Variants in MAD2L2 observed in about 807,000 individuals in gnomAD.
The protein encoded by MAD2L2 is mitotic arrest deficient 2 like 2, also known as mitotic spindle assembly checkpoint protein MAD2B.
Under a neutral mutation model 30.5 loss-of-function variants are expected in MAD2L2, and 17 were observed. The observed-to-expected ratio is 0.56, with a 90% confidence interval of 0.38 to 0.84. The LOEUF is 0.84. Among genes scored for constraint, MAD2L2 ranks in the 40% least tolerant of loss-of-function variants. The probability of loss-of-function intolerance (pLI) is 0.00; values close to 1 mark genes in which losing one functional copy is unlikely to be tolerated. For missense variants in MAD2L2, 213 were observed against 277.4 expected, an observed-to-expected ratio of 0.77 and a Z score of 1.65; for synonymous variants, 101 against 113.9, an observed-to-expected ratio of 0.89 and a Z score of 0.72.
rs1423704128 is a variant in MAD2L2, at chr1:11,676,862, T to C, written c.318A>G (p.Pro106=). Residue 106 remains proline, a synonymous_variant, in exon 5 of 9, where the codon CCA becomes CCG. Transcript: ENST00000376692. Reference sequence around the variant, plus strand: ...GGGCAGCCCACCTGATGGACAGCAGTGGAGGCTGGGTGATCTCAAAGACGA... The same window carrying C: ...GGGCAGCCCACCTGATGGACAGCAGCGGAGGCTGGGTGATCTCAAAGACGA... ...EKFVFEITQP[P]LLSISSDSLL... is the part of the protein sequence containing the mutation. 6.2e-7 allele frequency: 1 copy of C among 1,614,022 alleles called. No homozygotes were observed. The highest frequency in any genetic ancestry group is 8.5e-7 in the Non-Finnish European group (1 of 1,179,932).
Position 11,675,011 on chromosome 1 carries a change from G to A in MAD2L2, c.594+71C>T, listed in dbSNP as rs1345779844. The A allele has an allele frequency of 3.3e-5, 46 of 1,377,648 alleles. No homozygotes were observed. The East Asian group carries it at 1.1e-3, about 32-fold the overall frequency. The allele number at this position is 1,377,648 out of a possible 1,614,324, so 85.3% of individuals were successfully genotyped here. A position where few individuals can be genotyped will look rare whatever the true frequency, so the allele number is the denominator to read the frequency against. On this transcript the variant is annotated intron_variant, in intron 8 of 8. Coordinates refer to ENST00000376692, the MANE Select transcript of MAD2L2 (RefSeq NM_006341.4). ...TTCTCTCCCGCAAGCCCTCTAGTAA[G>A]GCCTCAGCACCGGGCCTCACTTCGT...
At chr1:11,679,990 T>TG (rs1448748605) in intron 3 of MAD2L2, among the ~76,000 whole-genome samples, 1 of 83,622 alleles carries the variant, frequency 1.2e-5, no homozygotes, top group Non-Finnish European at 2.4e-5. Flanking sequence ...AAGAGGTTTT[T>TG]TTTTTTTTTT....
chr1:11,683,830 G>A (rs376482406), upstream of MAD2L2, among the ~76,000 whole-genome samples: 2 of 152,132 alleles, frequency 1.3e-5, no homozygotes, highest in East Asian at 1.9e-4. Context: ...AATTAGCCAG[G>A]TGTGGTGGCG....
intron 6 of MAD2L2, 104 bp downstream of exon 6, chr1:11,675,942 G>T: frequency 2.9e-6 from 3 of 1,021,346 alleles, no homozygotes; most frequent in Non-Finnish European, 4.7e-6. Context: ...TCAGGGTTAG[G>T]AAGAGATGAG....
chr1:11,681,977 C>T (rs1202419026), upstream of MAD2L2: 1 of 152,118 alleles, frequency 6.6e-6, no homozygotes, highest in African/African-American at 2.4e-5. Context: ...GGCGTGGACT[C>T]GGTCTGGAAG....
intron 8 of MAD2L2, 47 bp downstream of exon 8, chr1:11,675,035 G>T: frequency 6.7e-7 from 1 of 1,497,698 alleles, no homozygotes; most frequent in Non-Finnish European, 9.1e-7. Flanking sequence ...GCCTCACTTC[G>T]TTAAGCAGCC....
chr1:11,675,504 T>A (rs1269908047), intron 7 of MAD2L2, among the ~76,000 whole-genome samples, 154 bp downstream of exon 7: 1 of 152,218 alleles, frequency 6.6e-6, no homozygotes, highest in Non-Finnish European at 1.5e-5. Context: ...AGTGCCCAGA[T>A]GGAGCAGTGG....
rs1640972365 is a variant in MAD2L2 at position 11,687,150 on chromosome 1, C to CA, written c.-692+4262dup. Among the ~76,000 whole-genome samples the CA allele has an allele frequency of 6.6e-6, 1 of 152,188 alleles. No individual in the cohort carries two copies. Among genetic ancestry groups the CA allele is most frequent in the Admixed American group, 6.5e-5 (1 of 15,280 alleles). On this transcript the variant is annotated intron_variant, in intron 1 of 10. Coordinates refer to the MAD2L2 transcript ENST00000235310. This position sits in a 1 kb window ranked among gnomAD's most constrained non-coding sequence, Gnocchi z 4.1. Reference sequence around the variant, plus strand: ...ACGCAATCACAGCTCACTGAAGCCTCAACCTCCTGGGCTCAAGCGATCCTC... The same window carrying CA: ...ACGCAATCACAGCTCACTGAAGCCTCAAACCTCCTGGGCTCAAGCGATCCTC...
intron 4 of MAD2L2, 170 bp downstream of exon 4, chr1:11,677,373 G>T: frequency 2.9e-6 from 2 of 678,714 alleles, no homozygotes; most frequent in South Asian, 3.8e-5. Context: ...CTTGGGGCCT[G>T]CCCCTGGGTT....
At chr1:11,682,763 G>T (rs372000237), upstream of MAD2L2, among the ~76,000 whole-genome samples, 410 of 152,200 alleles carry the variant, frequency 2.7e-3, 10 homozygotes, top group South Asian at 0.037. Flanking sequence ...TCTTCATTTT[G>T]TAAAAATGCG....
At chr1:11,684,417 G>A (rs975331288), upstream of MAD2L2, among the ~76,000 whole-genome samples, 31 of 152,104 alleles carry the variant, frequency 2.0e-4, no homozygotes, top group African/African-American at 7.0e-4. Context: ...GTAGGAGGGC[G>A]GCTGGGAAGG....
chr1:11,677,279 CG>C, intron 4 of MAD2L2: 1 of 596,862 alleles, frequency 1.7e-6, no homozygotes, highest in Non-Finnish European at 3.0e-6. Context: ...AGAAGAACCC[CG>C]AACCCTCTGG....
chr1:11,683,284 A>G (rs1419616447), upstream of MAD2L2, among the ~76,000 whole-genome samples: 4 of 152,224 alleles, frequency 2.6e-5, no homozygotes, highest in Non-Finnish European at 1.5e-5. Flanking sequence ...CCTGACACAC[A>G]GAGCTAAGAA....
intron 1 of MAD2L2, 127 bp from the exon 2 acceptor site, chr1:11,680,740 G>T: frequency 7.1e-7 from 1 of 1,413,804 alleles, no homozygotes; most frequent in Non-Finnish European, 9.2e-7. Flanking sequence ...CTTCGCACAG[G>T]CTCAGGGCAG....
At chr1:11,685,143 G>A (rs747962570), upstream of MAD2L2, among the ~76,000 whole-genome samples, 1 of 151,870 alleles carries the variant, frequency 6.6e-6, no homozygotes, top group African/African-American at 2.4e-5. Context: ...TGCCTAGGCT[G>A]GTCTCGAACT....
chr1:11,680,483 C>A lies in MAD2L2; in HGVS notation c.41-12G>T, dbSNP rs750057718. 8 of 1,612,228 alleles carry A rather than the reference C, an allele frequency of 5.0e-6. No individual in the cohort carries two copies. The highest frequency in any genetic ancestry group is 8.5e-7 in the Non-Finnish European group (1 of 1,179,076). ...CACATCGGCCACCACTGCAGGGGGG[C>A]ACAAGCCGGTGGCGCGCTCGAGGAA... On this transcript the variant is annotated splice_polypyrimidine_tract_variant and intron_variant, in intron 2 of 8. Coordinates refer to ENST00000376692, the MANE Select transcript of MAD2L2 (RefSeq NM_006341.4).
chr1:11,685,912 A>G (rs1323733537), upstream of MAD2L2, among the ~76,000 whole-genome samples: 1 of 152,104 alleles, frequency 6.6e-6, no homozygotes, highest in East Asian at 1.9e-4. Context: ...TGTTTGTACC[A>G]CTGCACTCCA....
In MAD2L2 at chr1:11,674,624, A is replaced by T; in HGVS notation, c.*151T>A. 1 of 757,562 alleles carries T rather than the reference A, an allele frequency of 1.3e-6. No individual in the cohort carries two copies. The highest frequency in any genetic ancestry group is 2.2e-6 in the Non-Finnish European group (1 of 454,472). 46.9% of individuals were successfully genotyped at this position (757,562 alleles called of 1,614,324 possible). A position where few individuals can be genotyped will look rare whatever the true frequency, so the allele number is the denominator to read the frequency against. On this transcript the variant is annotated 3_prime_UTR_variant, in exon 9 of 9. Transcript: ENST00000376692. This position sits in a 1 kb window ranked among gnomAD's most constrained non-coding sequence, Gnocchi z 6.1. ...GCCCTCCTGGGGGAGGCATCCTCCA[A>T]GCAGACCTGAGCGGCCCCGGGCTGG...
chr1:11,679,953 G>A (rs542572038), intron 3 of MAD2L2, among the ~76,000 whole-genome samples: 30 of 151,636 alleles, frequency 2.0e-4, no homozygotes, highest in Admixed American at 4.6e-4. Flanking sequence ...AGGGCCCTGC[G>A]GAATGAGGTG....
Sources: allele counts gnomAD v4.1 joint callset (sites outside exome capture counted in the v4.1 genomes callset), GRCh38; gene constraint gnomAD v4.1.1; non-coding constraint Gnocchi (gnomAD v3.1); transcripts MANE v1.5; gene names NCBI Gene and HGNC (gene_info 2026-07-23, HGNC 2026-07-21).